The following CACNA1C variants were observed in gnomAD, a reference collection of about 807,000 sequenced individuals.
CACNA1C encodes voltage-dependent L-type calcium channel subunit alpha-1C.
Under a neutral mutation model 229.0 loss-of-function variants are expected in CACNA1C, and 30 were observed. The ratio of observed to expected loss-of-function variants is 0.13; its 90% CI spans 0.10 to 0.18. CACNA1C has a LOEUF of 0.18. Among genes scored for constraint, CACNA1C ranks in the 10% least tolerant of loss-of-function variants. The pLI, the probability that CACNA1C is intolerant of heterozygous loss-of-function variation, is 1.00. For synonymous variants in CACNA1C, 1,114 were observed against 1,132.5 expected (o/e 0.98, Z 0.33); for missense variants, 1,658 against 2,845.0 (o/e 0.58, Z 9.49).
intron 3 of CACNA1C, among the ~76,000 whole-genome samples, chr12:2,161,209 A>C (rs2095837822): frequency 6.6e-6 from 1 of 152,232 alleles, no homozygotes; most frequent in African/African-American, 2.4e-5. Context: ...AATAATGATC[A>C]ATAACAGCTT....
At chr12:2,041,705 T>C (rs2050144478) in intron 1 of CACNA1C, among the ~76,000 whole-genome samples, 2 of 152,232 alleles carry the variant, frequency 1.3e-5, no homozygotes, top group African/African-American at 4.8e-5. Flanking sequence ...ATGTTGGGGA[T>C]AGAAGACAGA....
chr12:2,004,617 G>A, intron 1 of CACNA1C: 2 of 803,866 alleles, frequency 2.5e-6, no homozygotes, highest in East Asian at 2.8e-5. Flanking sequence ...CGATGGCCGC[G>A]CCCCGCCCAC....
Position 2,504,329 on chromosome 12 carries a change from A to G in CACNA1C, c.1114-513A>G, listed in dbSNP as rs904281336. 1.4e-6 allele frequency: 1 copy of G among 692,920 alleles called. No homozygotes were observed. Among genetic ancestry groups the G allele is most frequent in the East Asian group, 2.5e-5 (1 of 39,808 alleles). The allele number at this position is 692,920 out of a possible 1,614,324, so 42.9% of individuals were successfully genotyped here. A position where few individuals can be genotyped will look rare whatever the true frequency, so the allele number is the denominator to read the frequency against. On this transcript the variant is annotated intron_variant, in intron 7 of 46. Coordinates refer to ENST00000399655, the MANE Select transcript of CACNA1C (RefSeq NM_000719.7). The surrounding 1 kb of genome is among the most constrained non-coding windows in gnomAD (Gnocchi z 6.8). ...AACCTGGTGCACATGAACAAAGCCCACGTTCAGCCCCGTCTGTCCCCTCCC... is the reference window on the plus strand; with the variant it reads ...AACCTGGTGCACATGAACAAAGCCCGCGTTCAGCCCCGTCTGTCCCCTCCC...
In CACNA1C at chr12:2,026,254, G is replaced by A. The variant is rs148071605; in HGVS notation, c.139+55053G>A. The stretch of plus-strand genomic sequence containing the variant: ...AAGATAAAGCTGAAAAGCTGAGTTG[G>A]GCAAGATGGGCAAGTACTTATTGGC... On this transcript the variant is annotated intron_variant, in intron 1 of 46. Coordinates refer to the CACNA1C transcript ENST00000682462. Among the ~76,000 whole-genome samples the A allele has an allele frequency of 6.0e-4, 91 of 152,352 alleles. 1 individual carries two copies. In the East Asian group the frequency reaches 6.2e-3, roughly 10 times the overall value.
chr12:2,661,292 C>T (rs879506036), intron 34 of CACNA1C, among the ~76,000 whole-genome samples: 33 of 150,242 alleles, frequency 2.2e-4, no homozygotes, highest in Non-Finnish European at 1.9e-4. Flanking sequence ...CACACACACA[C>T]ACACACACAC....
At chr12:2,385,910 A>G (rs889491360) in intron 3 of CACNA1C, among the ~76,000 whole-genome samples, 3 of 152,248 alleles carry the variant, frequency 2.0e-5, no homozygotes, top group African/African-American at 7.2e-5. Context: ...CCAGCGACTC[A>G]GGAGAGGCCA....
chr12:2,057,365 A>G (rs766400257), intron 1 of CACNA1C, among the ~76,000 whole-genome samples: 14 of 152,360 alleles, frequency 9.2e-5, no homozygotes, highest in South Asian at 2.1e-4. Context: ...GACCTGCAGT[A>G]GATGTGGCTT....
chr12:2,069,769 A>G (rs760163862), intron 1 of CACNA1C, among the ~76,000 whole-genome samples: 14 of 152,136 alleles, frequency 9.2e-5, no homozygotes, highest in Non-Finnish European at 1.8e-4. Flanking sequence ...TTTACGTACT[A>G]TTGGCTGCAT....
At chr12:2,596,425 G>A (rs2068210133) in intron 20 of CACNA1C, among the ~76,000 whole-genome samples, 1 of 152,184 alleles carries the variant, frequency 6.6e-6, no homozygotes, top group East Asian at 1.9e-4. Context: ...ACCTTTGGTA[G>A]AGTAGAACCA....
chr12:2,051,304 A>G (rs180793858), upstream of CACNA1C, among the ~76,000 whole-genome samples: 863 of 152,316 alleles, frequency 5.7e-3, 14 homozygotes, highest in South Asian at 0.035. Context: ...CCAGGAGGCT[A>G]GTGTATCCCG....
At chr12:2,634,272 TC>T in intron 29 of CACNA1C, 24 bp from the exon 30 acceptor site, 1 of 1,281,764 alleles carries the variant, frequency 7.8e-7, no homozygotes, top group Non-Finnish European at 1.1e-6. Context: ...CTTCTCTCTC[TC>T]CCCGGCTGCT....
intron 3 of CACNA1C, among the ~76,000 whole-genome samples, chr12:2,156,488 A>AT (rs1174384058): frequency 4.6e-5 from 7 of 152,270 alleles, no homozygotes; most frequent in East Asian, 3.9e-4. Context: ...TTATTTGTTC[A>AT]TTTTTTTGTA....
intron 1 of CACNA1C, among the ~76,000 whole-genome samples, chr12:2,005,175 C>A (rs1049151908): frequency 8.6e-5 from 13 of 151,918 alleles, no homozygotes; most frequent in Non-Finnish European, 1.5e-4. Flanking sequence ...AGGTAGAGAG[C>A]CAGTGTCACC....
rs1160809427 is a variant in CACNA1C at position 2,319,763 on chromosome 12, A to G, written c.478-129213A>G. On this transcript the variant is annotated intron_variant, in intron 3 of 46. Transcript: ENST00000399655. The surrounding 1 kb of genome is among the most constrained non-coding windows in gnomAD (Gnocchi z 4.0). ...GCCGGGAGAGGATGAGCATTCCTCA[A>G]GAAGGGAGACAGCAGAGCACTAGAT... 6.6e-6 allele frequency among the ~76,000 whole-genome samples: 1 copy of G among 152,090 alleles called. No homozygotes were observed. Among genetic ancestry groups the G allele is most frequent in the Non-Finnish European group, 1.5e-5 (1 of 68,014 alleles).
chr12:2,560,848 TAAAAA>T (rs36012443), intron 11 of CACNA1C, among the ~76,000 whole-genome samples: 51 of 113,078 alleles, frequency 4.5e-4, no homozygotes, highest in East Asian at 2.8e-3. Flanking sequence ...TTGGTTCTGG[TAAAAA>T]AAAAAAAAAA....
intron 3 of CACNA1C, among the ~76,000 whole-genome samples, chr12:2,317,275 G>A (rs555277530): frequency 1.2e-4 from 18 of 152,354 alleles, no homozygotes; most frequent in African/African-American, 4.3e-4. Flanking sequence ...TCCTTGGACA[G>A]ATGAATGGAT....
chr12:2,466,016 C>T (rs114728712), intron 5 of CACNA1C, among the ~76,000 whole-genome samples: 248 of 152,306 alleles, frequency 1.6e-3, no homozygotes, highest in African/African-American at 5.8e-3. Flanking sequence ...TGAAAACTCA[C>T]CTGAGTGCCA....
intron 3 of CACNA1C, among the ~76,000 whole-genome samples, chr12:2,308,386 G>A (rs1048365538): frequency 5.3e-5 from 8 of 151,874 alleles, no homozygotes; most frequent in Non-Finnish European, 1.2e-4. Flanking sequence ...TTTGTTTATG[G>A]TGTGAGATAA....
At chr12:2,272,080 A>G (rs1185133448) in intron 3 of CACNA1C, among the ~76,000 whole-genome samples, 1 of 152,152 alleles carries the variant, frequency 6.6e-6, no homozygotes, top group Non-Finnish European at 1.5e-5. Flanking sequence ...GTGTTCCCCA[A>G]GCATCTCTTC....
Sources: allele counts gnomAD v4.1 joint callset (sites outside exome capture counted in the v4.1 genomes callset), GRCh38; gene constraint gnomAD v4.1.1; non-coding constraint Gnocchi (gnomAD v3.1); transcripts MANE v1.5; gene names NCBI Gene and HGNC (gene_info 2026-07-23, HGNC 2026-07-21).